The following TRMT9B variants were observed in gnomAD, a reference collection of about 807,000 sequenced individuals.
TRMT9B encodes tRNA methyltransferase 9B (putative), also known as probable tRNA methyltransferase 9B.
Under a neutral mutation model 11.5 loss-of-function variants are expected in TRMT9B, and 16 were observed. The observed-to-expected ratio is 1.39, with a 90% CI of 0.94 to 2.11. The LOEUF (loss-of-function observed/expected upper bound fraction) is 2.11. Ranked by LOEUF, TRMT9B falls within the 30% of genes most tolerant of loss-of-function variation. The pLI is 0.00. For synonymous variants in TRMT9B, 274 were observed against 192.4 expected, an observed-to-expected ratio of 1.42 and a Z score of -3.51; for missense variants, 941 against 553.8, an observed-to-expected ratio of 1.70 and a Z score of -7.02.
rs1585473796 is a variant in TRMT9B at position 13,028,145 on chromosome 8, A to C, written c.*6101A>C. On this transcript the variant is annotated 3_prime_UTR_variant, in exon 5 of 5. Transcript: ENST00000524591. ...TGACACATTAACAGGGGTGTGAATC[A>C]TTTCAGTTACATCACATACTCTGTC... 6.0e-6 allele frequency: 1 copy of C among 167,072 alleles called. No homozygotes were observed. Among genetic ancestry groups the C allele is most frequent in the Non-Finnish European group, 1.5e-5 (1 of 68,124 alleles). 10.3% of individuals were successfully genotyped at this position (167,072 alleles called of 1,614,324 possible). A position where few individuals can be genotyped will look rare whatever the true frequency, so the allele number is the denominator to read the frequency against.
At chr8:13,007,753 C>T (rs1810752676) in intron 3 of TRMT9B, 1 of 152,148 alleles carries the variant, frequency 6.6e-6, no homozygotes, top group Non-Finnish European at 1.5e-5. Flanking sequence ...AGGAACTATT[C>T]AGTAAATGGC....
chr8:12,994,261 A>G (rs1374992514), intron 2 of TRMT9B, among the ~76,000 whole-genome samples: 2 of 152,222 alleles, frequency 1.3e-5, no homozygotes, highest in African/African-American at 4.8e-5. Flanking sequence ...GGTATTCCCC[A>G]GAATCTTAGA....
chr8:12,960,368 C>G (rs1040178547), intron 1 of TRMT9B: 19 of 152,190 alleles, frequency 1.2e-4, no homozygotes, highest in African/African-American at 4.3e-4. Context: ...TATTAAGGAG[C>G]TTTCAGAAAA....
At chr8:12,993,137 C>T (rs1015821360) in intron 2 of TRMT9B, among the ~76,000 whole-genome samples, 1 of 152,132 alleles carries the variant, frequency 6.6e-6, no homozygotes, top group Admixed American at 6.5e-5. Flanking sequence ...ACTGTCGTTG[C>T]ACGATATAAG....
rs556231771 is a variant in TRMT9B at position 13,028,161 on chromosome 8, A to C, written c.*6117A>C. The C allele has an allele frequency of 6.0e-6, 1 of 167,096 alleles. No homozygotes were observed. Among genetic ancestry groups the C allele is most frequent in the Non-Finnish European group, 1.5e-5 (1 of 68,140 alleles). The allele number at this position is 167,096 out of a possible 1,614,324, so 10.4% of individuals were successfully genotyped here. ...GTGTGAATCATTTCAGTTACATCACATACTCTGTCCTCTTGTGGTGCGGGT... is the reference window on the plus strand; with the variant it reads ...GTGTGAATCATTTCAGTTACATCACCTACTCTGTCCTCTTGTGGTGCGGGT... On this transcript the variant is annotated 3_prime_UTR_variant, in exon 5 of 5. Transcript: ENST00000524591.
chr8:12,990,762 A>G, intron 1 of TRMT9B, 72 bp from the exon 2 acceptor site: 1 of 1,019,656 alleles, frequency 9.8e-7, no homozygotes, highest in Middle Eastern at 2.5e-4. Flanking sequence ...TCAGGAAGTC[A>G]GCCTGGGCTG....
In TRMT9B at chr8:13,026,364, C is replaced by T. The variant is rs770632493; in HGVS notation, c.*4320C>T. On this transcript the variant is annotated 3_prime_UTR_variant, in exon 5 of 5. Coordinates refer to ENST00000524591, the MANE Select transcript of TRMT9B (RefSeq NM_020844.3). Reference sequence around the variant, plus strand: ...GACACAGTAAGGGGAACATCACACACTGGGACCTGTTGTGACCCCGCTGAG... The same window carrying T: ...GACACAGTAAGGGGAACATCACACATTGGGACCTGTTGTGACCCCGCTGAG... 25 of 165,624 alleles carry T rather than the reference C, an allele frequency of 1.5e-4. No individual in the cohort carries two copies. Among genetic ancestry groups the T allele is most frequent in the African/African-American group, 2.4e-4 (10 of 41,004 alleles). 10.3% of individuals were successfully genotyped at this position (165,624 alleles called of 1,614,324 possible).
chr8:12,968,184 A>C (rs2128866880), intron 1 of TRMT9B, among the ~76,000 whole-genome samples: 1 of 152,312 alleles, frequency 6.6e-6, no homozygotes, highest in East Asian at 1.9e-4. Context: ...CACCTGGCCA[A>C]AAGTGCTATT....
chr8:12,989,078 AT>A (rs113108852), intron 1 of TRMT9B, among the ~76,000 whole-genome samples: 6,148 of 150,894 alleles, frequency 0.041, 165 homozygotes, highest in African/African-American at 0.071. Flanking sequence ...TAATACAGAA[AT>A]TTTTTTTTTT....
In TRMT9B at chr8:13,026,276, G is replaced by T. The variant is rs1049533114; in HGVS notation, c.*4232G>T. ...ATATGCAACATTCAACTATCGCAAG[G>T]ACAAAAAACCAAACACCGCATGTTC... On this transcript the variant is annotated 3_prime_UTR_variant, in exon 5 of 5. Coordinates refer to ENST00000524591, the MANE Select transcript of TRMT9B (RefSeq NM_020844.3). 1 of 167,102 alleles carries T rather than the reference G, an allele frequency of 6.0e-6. No homozygotes were observed. The highest frequency in any genetic ancestry group is 2.4e-5 in the African/African-American group (1 of 41,458). 10.4% of individuals were successfully genotyped at this position (167,102 alleles called of 1,614,324 possible).
chr8:13,004,446 G>A (rs752301605), intron 2 of TRMT9B, among the ~76,000 whole-genome samples: 67 of 151,638 alleles, frequency 4.4e-4, no homozygotes, highest in Non-Finnish European at 7.1e-4. Flanking sequence ...AGAATAAAGA[G>A]GATTTTGTCT....
intron 4 of TRMT9B, among the ~76,000 whole-genome samples, chr8:13,017,717 G>C (rs957486415): frequency 6.7e-6 from 1 of 150,120 alleles, no homozygotes; most frequent in Non-Finnish European, 1.5e-5. Flanking sequence ...GGGCTCTAGA[G>C]ATTCTCTCAC....
intron 1 of TRMT9B, among the ~76,000 whole-genome samples, chr8:12,957,848 T>G (rs1801516966): frequency 6.6e-6 from 1 of 152,206 alleles, no homozygotes; most frequent in Non-Finnish European, 1.5e-5. Context: ...TCAGTGACAT[T>G]TATTTTCACA....
chr8:12,964,263 CCTACAGTTGATAACACAT>C (rs1214922728), intron 1 of TRMT9B, among the ~76,000 whole-genome samples: 2 of 152,146 alleles, frequency 1.3e-5, no homozygotes, highest in Non-Finnish European at 2.9e-5. Context: ...TGGGGTACAT[CCTACAGTTGATAACACAT>C]CCTCATCTTT....
intron 1 of TRMT9B, among the ~76,000 whole-genome samples, chr8:12,971,763 G>A (rs1462494212): frequency 6.6e-6 from 1 of 152,102 alleles, no homozygotes; most frequent in Non-Finnish European, 1.5e-5. Context: ...TTTAGATGTG[G>A]TTATCGCTTT....
At chr8:12,996,850 C>A (rs1313600805) in intron 2 of TRMT9B, among the ~76,000 whole-genome samples, 1 of 152,180 alleles carries the variant, frequency 6.6e-6, no homozygotes, top group Non-Finnish European at 1.5e-5. Flanking sequence ...CCTCCCAACC[C>A]CCAGTGCTCC....
intron 1 of TRMT9B, among the ~76,000 whole-genome samples, chr8:12,980,402 C>CT (rs5889411): frequency 0.29 from 43,473 of 151,766 alleles, 6,687 homozygotes; most frequent in East Asian, 0.6. Context: ...TCTATAAACC[C>CT]TTTTTTCCAA....
chr8:12,966,862 C>T (rs907528035), intron 1 of TRMT9B, among the ~76,000 whole-genome samples: 2 of 152,132 alleles, frequency 1.3e-5, no homozygotes, highest in African/African-American at 4.8e-5. Flanking sequence ...CTTGTTTTCC[C>T]AGAGGAGCAA....
Position 13,022,072 on chromosome 8 carries a change from A to T in TRMT9B, c.*28A>T. 6.9e-7 allele frequency: 1 copy of T among 1,452,258 alleles called. No individual in the cohort carries two copies. The allele number at this position is 1,452,258 out of a possible 1,614,324, so 90.0% of individuals were successfully genotyped here. ...GGATCCTTTTAGACAACTCCTCCAA[A>T]AGATGAACCACATTCTTTCCTCTTG... On this transcript the variant is annotated 3_prime_UTR_variant, in exon 5 of 5. Transcript: ENST00000524591.
Sources: allele counts gnomAD v4.1 joint callset (sites outside exome capture counted in the v4.1 genomes callset), GRCh38; gene constraint gnomAD v4.1.1; transcripts MANE v1.5; gene names NCBI Gene and HGNC (gene_info 2026-07-23, HGNC 2026-07-21).